Variants in PCDHGA11 observed in about 807,000 individuals in gnomAD.
PCDHGA11 encodes protocadherin gamma-A11.
Under a neutral mutation model 60.4 loss-of-function variants are expected in PCDHGA11, and 39 were observed. The observed-to-expected ratio is 0.65, with a 90% CI of 0.50 to 0.84. The LOEUF (loss-of-function observed/expected upper bound fraction) is 0.84. Ranked by LOEUF, PCDHGA11 falls within the 40% of genes least tolerant of loss-of-function variation. The pLI is 0.00. For synonymous variants in PCDHGA11, 533 were observed against 510.3 expected (o/e 1.04, Z -0.60); for missense variants, 1,165 against 1,197.7 (o/e 0.97, Z 0.40).
intron 1 of PCDHGA11, chr5:141,426,945 A>G: frequency 8.8e-6 from 4 of 456,724 alleles, no homozygotes; most frequent in Non-Finnish European, 1.8e-5. Context: ...CCCAGTCCCA[A>G]CTGGCACTGC....
chr5:141,456,042 C>T (rs1437027249), intron 1 of PCDHGA11, among the ~76,000 whole-genome samples: 3 of 151,886 alleles, frequency 2.0e-5, no homozygotes, highest in Non-Finnish European at 2.9e-5. Flanking sequence ...GGACTACAGG[C>T]GCCCACCACC....
At chr5:141,510,844 C>A in intron 3 of PCDHGA11, 103 bp from the exon 4 acceptor site, 1 of 1,592,684 alleles carries the variant, frequency 6.3e-7, no homozygotes, top group South Asian at 1.1e-5. Context: ...GTGGTCAAGG[C>A]CCAGGGTGCT....
intron 1 of PCDHGA11, among the ~76,000 whole-genome samples, chr5:141,468,198 G>A (rs992118435): frequency 9.2e-5 from 14 of 151,854 alleles, no homozygotes; most frequent in Admixed American, 7.2e-4. Context: ...GGTGGCGGGT[G>A]CCTGTAATTC....
chr5:141,492,164 C>T (rs1180358388), intron 1 of PCDHGA11, among the ~76,000 whole-genome samples: 2 of 152,230 alleles, frequency 1.3e-5, no homozygotes, highest in East Asian at 1.9e-4. Context: ...CTCCCTATCC[C>T]CGCATCACCC....
In PCDHGA11 at chr5:141,510,929, C is replaced by T. The variant is rs1238694958; in HGVS notation, c.2582-18C>T. The T allele has an allele frequency of 3.1e-6, 5 of 1,613,988 alleles. No homozygotes were observed. The highest frequency in any genetic ancestry group is 4.2e-6 in the Non-Finnish European group (5 of 1,179,988). On this transcript the variant is annotated intron_variant, in intron 3 of 3. Coordinates refer to ENST00000398587, the MANE Select transcript of PCDHGA11 (RefSeq NM_018914.3). ...ACCCTAAGTTTAGCTCCCACCTGAT[C>T]TTCCTCTGTCTCTGCAGAAGCTGCT...
intron 3 of PCDHGA11, among the ~76,000 whole-genome samples, chr5:141,509,776 C>T (rs898626809): frequency 7.2e-5 from 11 of 152,140 alleles, no homozygotes; most frequent in African/African-American, 9.7e-5. Context: ...GTCTAGTCCC[C>T]GAGATCATCA....
At chr5:141,434,431 T>C (rs931458644) in intron 1 of PCDHGA11, among the ~76,000 whole-genome samples, 2 of 152,186 alleles carry the variant, frequency 1.3e-5, no homozygotes, top group African/African-American at 2.4e-5. Context: ...ATGATGGCCG[T>C]AATGCCCATG....
In PCDHGA11 at chr5:141,485,318, G is replaced by A. The variant is rs1318256454; in HGVS notation, c.2434-9489G>A. On this transcript the variant is annotated intron_variant, in intron 1 of 3. Transcript: ENST00000398587. The surrounding 1 kb of genome is among the most constrained non-coding windows in gnomAD (Gnocchi z 5.7). ...GGAAGGGACTTTTGTAGGGAATGTC[G>A]CTCAAGATTTCCTGCTGGATACGGA... 3 of 1,614,142 alleles carry A rather than the reference G, an allele frequency of 1.9e-6. No homozygotes were observed. The highest frequency in any genetic ancestry group is 2.5e-6 in the Non-Finnish European group (3 of 1,180,006).
At chr5:141,496,734 G>A (rs527288196) in intron 2 of PCDHGA11, among the ~76,000 whole-genome samples, 4 of 152,066 alleles carry the variant, frequency 2.6e-5, no homozygotes, top group Non-Finnish European at 4.4e-5. Flanking sequence ...GTATTCATTC[G>A]TTCATTTATT....
At chr5:141,508,961 A>C (rs991011427) in intron 3 of PCDHGA11, among the ~76,000 whole-genome samples, 2 of 151,978 alleles carry the variant, frequency 1.3e-5, no homozygotes, top group African/African-American at 4.8e-5. Context: ...TGTCAGCGGA[A>C]TGAAAGGGCT....
Position 141,477,016 on chromosome 5 carries a change from A to G in PCDHGA11, c.2434-17791A>G, listed in dbSNP as rs2099403497. Reference sequence around the variant, plus strand: ...GGCAACTATTCGCCTTAGACCTTGTAACCGGGATGCTGACAATCAAGGGTC... The same window carrying G: ...GGCAACTATTCGCCTTAGACCTTGTGACCGGGATGCTGACAATCAAGGGTC... On this transcript the variant is annotated intron_variant, in intron 1 of 3. Transcript: ENST00000398587. The surrounding 1 kb of genome is among the most constrained non-coding windows in gnomAD (Gnocchi z 4.9). 4.3e-6 allele frequency: 7 copies of G among 1,614,130 alleles called. No homozygotes were observed. The highest frequency in any genetic ancestry group is 5.9e-6 in the Non-Finnish European group (7 of 1,180,050).
chr5:141,485,374 T>A lies in PCDHGA11; in HGVS notation c.2434-9433T>A. Reference sequence around the variant, plus strand: ...TGTCAGCTCGCAGGCTGCAGGTCGCTGGAGAGGTGAACCAAAGACACTTCC... The same window carrying A: ...TGTCAGCTCGCAGGCTGCAGGTCGCAGGAGAGGTGAACCAAAGACACTTCC... On this transcript the variant is annotated intron_variant, in intron 1 of 3. Coordinates refer to ENST00000398587, the MANE Select transcript of PCDHGA11 (RefSeq NM_018914.3). The surrounding 1 kb of genome is among the most constrained non-coding windows in gnomAD (Gnocchi z 5.7). The A allele has an allele frequency of 1.2e-6, 2 of 1,614,082 alleles. No homozygotes were observed. Among genetic ancestry groups the A allele is most frequent in the Non-Finnish European group, 1.7e-6 (2 of 1,179,998 alleles).
Position 141,423,424 on chromosome 5 carries a change from T to C in PCDHGA11, c.2197T>C (p.Leu733=). ...SRLLQASEGG[L]AGMPTSHFVG... is the part of the protein sequence containing the mutation. ...CCTGCTGCAGGCTTCTGAAGGCGGG[T>C]TGGCAGGTATGCCCACGTCACATTT... The change falls in exon 1 of 4, where the codon TTG becomes CTG. Residue 733 remains leucine, a synonymous_variant. Coordinates refer to ENST00000398587, the MANE Select transcript of PCDHGA11 (RefSeq NM_018914.3). 6.2e-7 allele frequency: 1 copy of C among 1,614,004 alleles called. No individual in the cohort carries two copies. The highest frequency in any genetic ancestry group is 8.5e-7 in the Non-Finnish European group (1 of 1,179,936).
At position 141,491,591 on chromosome 5, in the gene PCDHGA11, G is replaced by A. The variant is rs969259993; in HGVS notation, c.2434-3216G>A. 22 of 1,613,862 alleles carry A rather than the reference G, an allele frequency of 1.4e-5. No individual in the cohort carries two copies. The highest frequency in any genetic ancestry group is 1.8e-5 in the Non-Finnish European group (21 of 1,180,048). ...ACGTGCTTTTCACCGGCCTCGGACG[G>A]CAGTGACTTCACTTTTCTAAGACCC... On this transcript the variant is annotated intron_variant, in intron 1 of 3. Coordinates refer to ENST00000398587, the MANE Select transcript of PCDHGA11 (RefSeq NM_018914.3). This position sits in a 1 kb window ranked among gnomAD's most constrained non-coding sequence, Gnocchi z 6.9.
rs2097438776 is a variant in PCDHGA11 at position 141,432,018 on chromosome 5, T to C, written c.2433+8358T>C. Reference sequence around the variant, plus strand: ...AGGGAACAGGTTCCTAGCTACAACATCACAGTGACCGCCACTGACCGGGGA... The same window carrying C: ...AGGGAACAGGTTCCTAGCTACAACACCACAGTGACCGCCACTGACCGGGGA... On this transcript the variant is annotated intron_variant, in intron 1 of 3. Transcript: ENST00000398587. This position sits in a 1 kb window ranked among gnomAD's most constrained non-coding sequence, Gnocchi z 6.0. 1.9e-6 allele frequency: 3 copies of C among 1,614,048 alleles called. No homozygotes were observed. In the South Asian group the frequency reaches 3.3e-5, roughly 18 times the overall value.
chr5:141,473,988 G>A (rs1006988447), intron 1 of PCDHGA11, among the ~76,000 whole-genome samples: 1 of 152,118 alleles, frequency 6.6e-6, no homozygotes, highest in African/African-American at 2.4e-5. Flanking sequence ...AGGATCCCTT[G>A]AGCCCAAGGA....
chr5:141,444,524 A>G (rs563709940), intron 1 of PCDHGA11, among the ~76,000 whole-genome samples: 47 of 152,224 alleles, frequency 3.1e-4, no homozygotes, highest in African/African-American at 1.1e-3. Context: ...AGTAGGTGAG[A>G]CAGTGACTGT....
chr5:141,431,547 T>TA lies in PCDHGA11; in HGVS notation c.2433+7888dup. On this transcript the variant is annotated intron_variant, in intron 1 of 3. Transcript: ENST00000398587. The surrounding 1 kb of genome is among the most constrained non-coding windows in gnomAD (Gnocchi z 4.8). ...CTGGCCTTGGGCACGCAGCTGCTTG[T>TA]AGTCAACGCTACCGACCCTGACGAA... 6.2e-7 allele frequency: 1 copy of TA among 1,614,096 alleles called. No individual in the cohort carries two copies. The highest frequency in any genetic ancestry group is 8.5e-7 in the Non-Finnish European group (1 of 1,180,022).
At position 141,491,134 on chromosome 5, in the gene PCDHGA11, C is replaced by T. The variant is rs1594979273; in HGVS notation, c.2434-3673C>T. Reference sequence around the variant, plus strand: ...ACACACTGGTGAGGTGCGCACAGCCCGGGCCTTACTGGAGGATGACTCTGA... The same window carrying T: ...ACACACTGGTGAGGTGCGCACAGCCTGGGCCTTACTGGAGGATGACTCTGA... On this transcript the variant is annotated intron_variant, in intron 1 of 3. Transcript: ENST00000398587. The surrounding 1 kb of genome is among the most constrained non-coding windows in gnomAD (Gnocchi z 6.9). The T allele has an allele frequency of 6.2e-7, 1 of 1,614,138 alleles. No homozygotes were observed. Among genetic ancestry groups the T allele is most frequent in the Non-Finnish European group, 8.5e-7 (1 of 1,179,994 alleles).
Sources: gnomAD v4.1 joint callset for allele counts (sites outside exome capture counted in the v4.1 genomes callset) on GRCh38, gnomAD v4.1.1 for gene constraint, Gnocchi (gnomAD v3.1) non-coding constraint, MANE v1.5 for transcripts, NCBI Gene and HGNC (gene_info 2026-07-23, HGNC 2026-07-21) for gene names.